The following DPP10 variants were observed in gnomAD, a reference collection of about 807,000 sequenced individuals.
DPP10 encodes the protein dipeptidyl peptidase like 10, also known as inactive dipeptidyl peptidase 10.
A neutral mutation model predicts 120.9 loss-of-function variants in DPP10; 33 were observed. The observed-to-expected ratio is 0.27, with a 90% confidence interval of 0.21 to 0.37. The LOEUF (loss-of-function observed/expected upper bound fraction) is 0.37. DPP10 is among the 10% of genes least tolerant of loss of function. DPP10 has a pLI of 1.00. For synonymous variants in DPP10, 337 were observed against 326.1 expected, an observed-to-expected ratio of 1.03 and a Z score of -0.36; for missense variants, 816 against 942.8, an observed-to-expected ratio of 0.87 and a Z score of 1.76.
At chr2:115,033,222 T>C (rs1014834964) in intron 1 of DPP10, among the ~76,000 whole-genome samples, 1 of 152,160 alleles carries the variant, frequency 6.6e-6, no homozygotes, top group Non-Finnish European at 1.5e-5. Context: ...TGCAGTTGAA[T>C]AGTGGGAGAG....
intron 1 of DPP10, among the ~76,000 whole-genome samples, chr2:114,727,467 T>G (rs973812208): frequency 1.3e-5 from 2 of 152,198 alleles, no homozygotes; most frequent in African/African-American, 4.8e-5. Flanking sequence ...CAGCAGGTTG[T>G]TTTTAAAGGA....
intron 1 of DPP10, among the ~76,000 whole-genome samples, chr2:115,094,873 C>T (rs113564935): frequency 3.9e-5 from 6 of 152,068 alleles, no homozygotes; most frequent in Admixed American, 6.6e-5. Context: ...TATGTAGGTG[C>T]ATACATAACA....
intron 9 of DPP10, among the ~76,000 whole-genome samples, chr2:115,741,509 C>T (rs1575649482): frequency 6.6e-6 from 1 of 151,350 alleles, no homozygotes; most frequent in African/African-American, 2.4e-5. Context: ...TGAAAAGTTG[C>T]CCCAAATATA....
chr2:115,712,874 C>G (rs914625579), intron 7 of DPP10, among the ~76,000 whole-genome samples: 1 of 151,822 alleles, frequency 6.6e-6, no homozygotes, highest in Non-Finnish European at 1.5e-5. Flanking sequence ...AAGTCCATTG[C>G]AAATGTTGGT....
At position 114,664,720 on chromosome 2, in the gene DPP10, C is replaced by A. The variant is rs1436406130; in HGVS notation, c.60+221882C>A. Among the ~76,000 whole-genome samples, 83 of 150,810 alleles carry A rather than the reference C, an allele frequency of 5.5e-4. 2 individuals carry two copies. The highest frequency in any genetic ancestry group is 2.0e-3 in the African/African-American group (82 of 41,142). ...GCACAATCGGGGATGGAGAGGAACACAGATGGCATAGAGCATCCAAAAGAT... is the reference window on the plus strand; with the variant it reads ...GCACAATCGGGGATGGAGAGGAACAAAGATGGCATAGAGCATCCAAAAGAT... On this transcript the variant is annotated intron_variant, in intron 1 of 25. Coordinates refer to ENST00000410059, the MANE Select transcript of DPP10 (RefSeq NM_020868.6).
intron 1 of DPP10, among the ~76,000 whole-genome samples, chr2:115,232,575 G>A (rs2057789735): frequency 6.6e-6 from 1 of 152,144 alleles, no homozygotes; most frequent in Non-Finnish European, 1.5e-5. Flanking sequence ...TTCTGAACAT[G>A]TATAGAGTTG....
intron 7 of DPP10, among the ~76,000 whole-genome samples, chr2:115,712,550 A>ATATATATATATATATATATATT (rs2092361814): frequency 9.1e-6 from 1 of 109,970 alleles, no homozygotes. Context: ...TTAAATATAT[A>ATATATATATATATATATATATT]TATATATATA....
chr2:114,993,578 G>GTATATATATATATATATA (rs1384073454), intron 1 of DPP10, among the ~76,000 whole-genome samples: 13 of 89,212 alleles, frequency 1.5e-4, no homozygotes, highest in South Asian at 4.3e-4. Flanking sequence ...GTGTGTGTGT[G>GTATATATATATATATATA]TGTATATATA....
chr2:114,970,008 G>A (rs1178037196), intron 1 of DPP10, among the ~76,000 whole-genome samples: 3 of 152,066 alleles, frequency 2.0e-5, no homozygotes, highest in Non-Finnish European at 4.4e-5. Context: ...ATAGCCAACA[G>A]TCAGTCTTAT....
intron 12 of DPP10, 146 bp from the exon 13 acceptor site, chr2:115,768,151 A>G: frequency 1.6e-6 from 1 of 634,790 alleles, no homozygotes; most frequent in South Asian, 2.5e-5. Flanking sequence ...AAAATAGCAT[A>G]CATTCATTTT....
intron 8 of DPP10, among the ~76,000 whole-genome samples, chr2:115,738,136 G>A (rs1386063674): frequency 2.0e-5 from 3 of 152,172 alleles, no homozygotes; most frequent in East Asian, 1.9e-4. Context: ...CCAATCCATC[G>A]TTATGAATAT....
At chr2:114,881,261 A>G (rs1039664447) in intron 1 of DPP10, among the ~76,000 whole-genome samples, 2 of 151,994 alleles carry the variant, frequency 1.3e-5, no homozygotes, top group Admixed American at 1.3e-4. Flanking sequence ...GGGCAATGGG[A>G]GCTATTGGGG....
At chr2:114,677,870 T>G (rs1054977344) in intron 1 of DPP10, among the ~76,000 whole-genome samples, 9 of 152,136 alleles carry the variant, frequency 5.9e-5, no homozygotes, top group Admixed American at 3.3e-4. Context: ...AGAGTAGTTA[T>G]TTATATGAGG....
At chr2:114,920,459 T>C (rs1695120792) in intron 1 of DPP10, among the ~76,000 whole-genome samples, 2 of 152,216 alleles carry the variant, frequency 1.3e-5, no homozygotes, top group Non-Finnish European at 2.9e-5. Flanking sequence ...AAAGACTGAT[T>C]AGTGAGGCAG....
intron 1 of DPP10, among the ~76,000 whole-genome samples, chr2:114,790,924 A>G (rs940221344): frequency 3.9e-5 from 6 of 152,170 alleles, no homozygotes; most frequent in Non-Finnish European, 7.3e-5. Context: ...AGGCCTGACA[A>G]TTCTCACATA....
chr2:115,556,469 T>A (rs540194984), intron 5 of DPP10, among the ~76,000 whole-genome samples: 1 of 151,926 alleles, frequency 6.6e-6, no homozygotes, highest in African/African-American at 2.4e-5. Flanking sequence ...GTGAAAATAT[T>A]GGACATCCCT....
At chr2:114,484,370 G>A (rs780753347) in intron 1 of DPP10, among the ~76,000 whole-genome samples, 11 of 152,096 alleles carry the variant, frequency 7.2e-5, no homozygotes, top group Non-Finnish European at 1.5e-4. Context: ...TGACATTACC[G>A]AGTTCTGAAT....
intron 1 of DPP10, among the ~76,000 whole-genome samples, chr2:114,460,917 A>G (rs1331603192): frequency 6.6e-6 from 1 of 152,218 alleles, no homozygotes; most frequent in African/African-American, 2.4e-5. Flanking sequence ...GTAGATGAAA[A>G]ATAACTGCCA....
intron 1 of DPP10, among the ~76,000 whole-genome samples, chr2:115,205,617 G>A (rs1216313213): frequency 6.6e-6 from 1 of 152,032 alleles, no homozygotes; most frequent in African/African-American, 2.4e-5. Flanking sequence ...CCAAAGACAT[G>A]GAATTAACCT....
Sources: gnomAD v4.1 joint callset for allele counts (sites outside exome capture counted in the v4.1 genomes callset) on GRCh38, gnomAD v4.1.1 for gene constraint, MANE v1.5 for transcripts, NCBI Gene and HGNC (gene_info 2026-07-23, HGNC 2026-07-21) for gene names.